Variants in ROBO1 observed in about 807,000 individuals in gnomAD.
The protein encoded by ROBO1 is roundabout homolog 1.
Under a neutral mutation model 195.9 loss-of-function variants are expected in ROBO1, and 149 were observed. The observed-to-expected ratio is 0.76, with a 90% CI of 0.67 to 0.87. The LOEUF (loss-of-function observed/expected upper bound fraction) is 0.87. Ranked by LOEUF, ROBO1 falls within the 40% of genes least tolerant of loss-of-function variation. The pLI is 0.00. For missense variants in ROBO1, 1,933 were observed against 2,068.3 expected, an observed-to-expected ratio of 0.93 and a Z score of 1.27; for synonymous variants, 816 against 733.2, an observed-to-expected ratio of 1.11 and a Z score of -1.82.
chr3:79,306,614 G>C (rs1030743796), intron 2 of ROBO1, among the ~76,000 whole-genome samples: 1 of 152,162 alleles, frequency 6.6e-6, no homozygotes, highest in African/African-American at 2.4e-5. Context: ...CAGTGAAAGC[G>C]AAAAGCAAGA....
At chr3:79,364,956 C>T (rs1254807634) in intron 2 of ROBO1, among the ~76,000 whole-genome samples, 1 of 152,052 alleles carries the variant, frequency 6.6e-6, no homozygotes, top group Non-Finnish European at 1.5e-5. Flanking sequence ...TGGGGAATAC[C>T]CTCTTTCTGA....
At chr3:78,615,484 C>A (rs1704060662) in intron 27 of ROBO1, among the ~76,000 whole-genome samples, 1 of 152,090 alleles carries the variant, frequency 6.6e-6, no homozygotes, top group Non-Finnish European at 1.5e-5. Context: ...AAACAATAAT[C>A]CCAGGTACCA....
chr3:78,969,786 T>G (rs1300924063), intron 3 of ROBO1, among the ~76,000 whole-genome samples: 1 of 152,218 alleles, frequency 6.6e-6, no homozygotes, highest in African/African-American at 2.4e-5. Context: ...AAAAATCATA[T>G]GGACACAAAC....
At chr3:79,271,300 T>A (rs1009157495) in intron 2 of ROBO1, among the ~76,000 whole-genome samples, 2 of 151,948 alleles carry the variant, frequency 1.3e-5, no homozygotes, top group African/African-American at 4.8e-5. Context: ...CCCCTCAGTG[T>A]CTGTTTTATT....
At chr3:79,491,888 C>T (rs1939476390) in intron 2 of ROBO1, among the ~76,000 whole-genome samples, 1 of 151,214 alleles carries the variant, frequency 6.6e-6, no homozygotes, top group Non-Finnish European at 1.5e-5. Flanking sequence ...AATGGCTGTT[C>T]AGGTGAAGAG....
At chr3:78,886,878 A>G (rs2036601461) in intron 4 of ROBO1, among the ~76,000 whole-genome samples, 1 of 152,162 alleles carries the variant, frequency 6.6e-6, no homozygotes, top group Non-Finnish European at 1.5e-5. Flanking sequence ...ATAATGATTA[A>G]AAAGAGCTCC....
At chr3:79,703,879 T>TGA (rs1221531065) in intron 1 of ROBO1, among the ~76,000 whole-genome samples, 1 of 151,996 alleles carries the variant, frequency 6.6e-6, no homozygotes, top group African/African-American at 2.4e-5. Context: ...CTATCACTGT[T>TGA]GAAAATTCCA....
At chr3:79,645,352 AT>A (rs1945788169) in intron 1 of ROBO1, among the ~76,000 whole-genome samples, 1 of 151,952 alleles carries the variant, frequency 6.6e-6, no homozygotes, top group Non-Finnish European at 1.5e-5. Flanking sequence ...AAATAAAAAA[AT>A]TAGCCAGCCA....
At chr3:78,762,265 TG>T (rs1209158763) in intron 4 of ROBO1, among the ~76,000 whole-genome samples, 2 of 152,074 alleles carry the variant, frequency 1.3e-5, no homozygotes, top group Non-Finnish European at 2.9e-5. Flanking sequence ...ACAGACATCA[TG>T]GAGTAATCCC....
intron 1 of ROBO1, among the ~76,000 whole-genome samples, chr3:79,684,099 T>C (rs2107002635): frequency 6.6e-6 from 1 of 152,192 alleles, no homozygotes; most frequent in Admixed American, 6.6e-5. Context: ...CTTCAGATCT[T>C]CACCAATACA....
At chr3:79,089,044 C>T (rs1181940383) in intron 3 of ROBO1, among the ~76,000 whole-genome samples, 1 of 151,982 alleles carries the variant, frequency 6.6e-6, no homozygotes, top group Non-Finnish European at 1.5e-5. Flanking sequence ...TTAGTAAAGT[C>T]ATTTTTATTT....
intron 2 of ROBO1, among the ~76,000 whole-genome samples, chr3:79,497,801 T>A (rs1037954076): frequency 3.9e-5 from 6 of 152,180 alleles, no homozygotes; most frequent in African/African-American, 1.4e-4. Flanking sequence ...TTTAAAACGG[T>A]AAGTACTATA....
chr3:79,663,138 C>A (rs1348263952), intron 1 of ROBO1, among the ~76,000 whole-genome samples: 1 of 152,004 alleles, frequency 6.6e-6, no homozygotes, highest in Non-Finnish European at 1.5e-5. Context: ...TATCACTTAT[C>A]AAATACCAGG....
At chr3:78,776,327 C>G (rs1301033341) in intron 4 of ROBO1, among the ~76,000 whole-genome samples, 1 of 152,210 alleles carries the variant, frequency 6.6e-6, no homozygotes, top group Non-Finnish European at 1.5e-5. Flanking sequence ...TCTCGGCCCA[C>G]TGCAACCTCC....
chr3:79,264,162 G>C (rs141612146), intron 2 of ROBO1, among the ~76,000 whole-genome samples: 1 of 151,970 alleles, frequency 6.6e-6, no homozygotes, highest in African/African-American at 2.4e-5. Context: ...ATACAGAACT[G>C]ATTCATCCTG....
At chr3:78,964,079 C>T (rs140702309) in intron 3 of ROBO1, among the ~76,000 whole-genome samples, 9 of 152,090 alleles carry the variant, frequency 5.9e-5, no homozygotes, top group Non-Finnish European at 5.9e-5. Context: ...GGTTTCCTGG[C>T]AGTTCCCCGG....
At chr3:79,598,257 A>T (rs1403952867) in intron 1 of ROBO1, among the ~76,000 whole-genome samples, 3 of 152,086 alleles carry the variant, frequency 2.0e-5, no homozygotes, top group Non-Finnish European at 4.4e-5. Flanking sequence ...AGTCTCATGT[A>T]GACAGATACG....
chr3:79,302,255 G>C (rs566370925), intron 2 of ROBO1, among the ~76,000 whole-genome samples: 1 of 152,146 alleles, frequency 6.6e-6, no homozygotes, highest in East Asian at 1.9e-4. Context: ...CACCTGATAT[G>C]GTTCCTTAAG....
At chr3:79,344,442 T>C (rs531679150) in intron 2 of ROBO1, among the ~76,000 whole-genome samples, 1 of 152,258 alleles carries the variant, frequency 6.6e-6, no homozygotes, top group South Asian at 2.1e-4. Context: ...TGCCAAGACC[T>C]AGAAACTACA....
Sources: gnomAD v4.1 joint callset for allele counts (sites outside exome capture counted in the v4.1 genomes callset) on GRCh38, gnomAD v4.1.1 for gene constraint, MANE v1.5 for transcripts, NCBI Gene and HGNC (gene_info 2026-07-23, HGNC 2026-07-21) for gene names.